MTUS2: variants seen among roughly 807,000 people sequenced by gnomAD.
The protein encoded by MTUS2 is microtubule-associated tumor suppressor candidate 2.
MTUS2 carries 40 observed loss-of-function variants against 114.1 expected under a neutral mutation model. The observed-to-expected ratio is 0.35, with a 90% CI of 0.27 to 0.46. The LOEUF (loss-of-function observed/expected upper bound fraction) is 0.46. Ranked by LOEUF, MTUS2 falls within the 20% of genes least tolerant of loss-of-function variation. The pLI, the probability that MTUS2 is intolerant of heterozygous loss-of-function variation, is 1.00. For synonymous variants in MTUS2, 688 were observed against 672.0 expected (o/e 1.02, Z -0.37); for missense variants, 1,679 against 1,705.4 (o/e 0.98, Z 0.27).
chr13:29,341,156 G>A (rs892057412), intron 7 of MTUS2, among the ~76,000 whole-genome samples: 4 of 152,116 alleles, frequency 2.6e-5, no homozygotes, highest in African/African-American at 9.7e-5. Context: ...TTTCCTCTGG[G>A]TAGATACCCA....
chr13:29,095,218 C>G (rs1890126778), intron 4 of MTUS2, among the ~76,000 whole-genome samples: 1 of 152,000 alleles, frequency 6.6e-6, no homozygotes, highest in African/African-American at 2.4e-5. Flanking sequence ...TATCTTCTGC[C>G]TCATTGTTCT....
intron 6 of MTUS2, among the ~76,000 whole-genome samples, chr13:29,296,952 A>G (rs139975843): frequency 7.2e-4 from 110 of 152,160 alleles, no homozygotes; most frequent in Non-Finnish European, 1.2e-3. Context: ...TTAGTTTTAC[A>G]TAATTCTATT....
chr13:29,089,745 C>T (rs1378692154), intron 4 of MTUS2, among the ~76,000 whole-genome samples: 1 of 152,084 alleles, frequency 6.6e-6, no homozygotes, highest in Non-Finnish European at 1.5e-5. Flanking sequence ...ATTAGTGGTT[C>T]CTATTGCATT....
At chr13:28,835,388 A>C (rs953664412) in intron 1 of MTUS2, among the ~76,000 whole-genome samples, 3 of 152,214 alleles carry the variant, frequency 2.0e-5, no homozygotes, top group Non-Finnish European at 2.9e-5. Context: ...TTGTTAATTG[A>C]AAAAAGCCAG....
chr13:29,244,479 G>A (rs2139406764), intron 5 of MTUS2, among the ~76,000 whole-genome samples: 1 of 152,226 alleles, frequency 6.6e-6, no homozygotes, highest in Non-Finnish European at 1.5e-5. Context: ...AGGAGGAAAT[G>A]AAGGGCATGG....
chr13:29,113,512 C>T (rs1460977358), intron 5 of MTUS2, among the ~76,000 whole-genome samples: 1 of 152,140 alleles, frequency 6.6e-6, no homozygotes, highest in African/African-American at 2.4e-5. Flanking sequence ...GATACGGTAG[C>T]CACTAGTCAC....
intron 2 of MTUS2, among the ~76,000 whole-genome samples, chr13:28,937,814 G>C (rs1881991482): frequency 6.6e-6 from 1 of 152,160 alleles, no homozygotes; most frequent in Admixed American, 6.5e-5. Flanking sequence ...CCTGTGGCTG[G>C]TGGGGCCAGT....
intron 2 of MTUS2, among the ~76,000 whole-genome samples, chr13:28,980,294 T>C (rs1182111048): frequency 2.6e-5 from 4 of 152,204 alleles, no homozygotes; most frequent in Non-Finnish European, 5.9e-5. Context: ...GTAATACATT[T>C]GTTTACATTG....
At chr13:29,036,506 C>G (rs1444259241) in intron 4 of MTUS2, among the ~76,000 whole-genome samples, 3 of 152,104 alleles carry the variant, frequency 2.0e-5, no homozygotes, top group Non-Finnish European at 4.4e-5. Flanking sequence ...GTGGAGAGTT[C>G]TGTAGATGTC....
At chr13:29,221,558 T>G (rs1374029795) in intron 5 of MTUS2, among the ~76,000 whole-genome samples, 1 of 152,178 alleles carries the variant, frequency 6.6e-6, no homozygotes, top group Non-Finnish European at 1.5e-5. Flanking sequence ...ATTTGGGTTT[T>G]ATCTTTTTCC....
chr13:29,074,536 C>T (rs4769676), intron 4 of MTUS2, among the ~76,000 whole-genome samples: 55,047 of 152,078 alleles, frequency 0.36, 10,133 homozygotes, highest in Admixed American at 0.4. Flanking sequence ...CTCAGCTGAA[C>T]TGAGTGAAGG....
chr13:29,044,582 G>T (rs944158015), intron 4 of MTUS2, among the ~76,000 whole-genome samples: 5 of 152,120 alleles, frequency 3.3e-5, no homozygotes, highest in African/African-American at 7.2e-5. Flanking sequence ...TCTTGGAGTT[G>T]CCCTACAGCT....
chr13:29,419,495 G>T lies in MTUS2; in HGVS notation c.3118-20488G>T, dbSNP rs116568803. The stretch of plus-strand genomic sequence containing the variant: ...AGACCAGTTCTGCCAGGGCTGAGGA[G>T]ACCTCTTCCACTGGCAGAGAACACT... On this transcript the variant is annotated intron_variant, in intron 8 of 15. Transcript: ENST00000612955. Among the ~76,000 whole-genome samples, 1,002 of 152,270 alleles carry T rather than the reference G, an allele frequency of 6.6e-3. 13 individuals carry two copies. The highest frequency in any genetic ancestry group is 0.023 in the African/African-American group (958 of 41,556).
chr13:29,020,850 A>G (rs901372971), intron 2 of MTUS2, among the ~76,000 whole-genome samples: 35 of 35,400 alleles, frequency 9.9e-4, no homozygotes, highest in Admixed American at 1.8e-3. Flanking sequence ...GGACGTGGGA[A>G]AAAAAAAAAA....
At chr13:29,366,975 A>G (rs532975492) in intron 8 of MTUS2, among the ~76,000 whole-genome samples, 30 of 152,170 alleles carry the variant, frequency 2.0e-4, no homozygotes, top group African/African-American at 7.0e-4. Context: ...CCTCCTTAAT[A>G]CACACACACT....
At position 29,025,972 on chromosome 13, in the gene MTUS2, G is replaced by A. The variant is rs756636568; in HGVS notation, c.1274G>A (p.Arg425Lys). ...SPCAGEKLGE[R>K]TSSSFSPGDS... ...TGTGCAGGTGAGAAGTTGGGTGAAA[G>A]GACATCCAGCAGCTTTTCACCAGGT... Residue 425 changes from arginine (R) to lysine (K), a missense_variant, in exon 3 of 16, where the codon AGG becomes AAG. By Grantham distance (26) the Arg-to-Lys change is conservative. Transcript: ENST00000612955. 6.2e-7 allele frequency: 1 copy of A among 1,614,022 alleles called. No individual in the cohort carries two copies. Among genetic ancestry groups the A allele is most frequent in the Non-Finnish European group, 8.5e-7 (1 of 1,179,888 alleles).
chr13:29,248,892 G>A (rs1897023044), intron 5 of MTUS2, among the ~76,000 whole-genome samples: 1 of 152,176 alleles, frequency 6.6e-6, no homozygotes, highest in Non-Finnish European at 1.5e-5. Flanking sequence ...GGACATTTGG[G>A]TTGGTTGCAT....
At chr13:28,938,021 A>G (rs1187125455) in intron 2 of MTUS2, among the ~76,000 whole-genome samples, 1 of 152,126 alleles carries the variant, frequency 6.6e-6, no homozygotes, top group Non-Finnish European at 1.5e-5. Flanking sequence ...CCCTAATCCA[A>G]TCCCTTGTGC....
intron 3 of MTUS2, among the ~76,000 whole-genome samples, chr13:29,027,994 C>T (rs186312992): frequency 5.9e-4 from 90 of 152,286 alleles, no homozygotes; most frequent in Middle Eastern, 3.4e-3. Flanking sequence ...AGTCATCCTT[C>T]GAGACCTCAG....
Sources: allele counts gnomAD v4.1 joint callset (sites outside exome capture counted in the v4.1 genomes callset), GRCh38; gene constraint gnomAD v4.1.1; transcripts MANE v1.5; gene names NCBI Gene and HGNC (gene_info 2026-07-23, HGNC 2026-07-21).